Variants in IHO1 observed in about 807,000 individuals in gnomAD.
The protein encoded by IHO1 is interactor of HORMAD1 1.
A neutral mutation model predicts 31.0 loss-of-function variants in IHO1; 13 were observed. The observed-to-expected ratio is 0.42, with a 90% CI of 0.27 to 0.67. The LOEUF is 0.67. Ranked by LOEUF, IHO1 falls within the 30% of genes least tolerant of loss-of-function variation. The pLI is 0.24. For synonymous variants in IHO1, 221 were observed against 248.4 expected, an observed-to-expected ratio of 0.89 and a Z score of 1.04; for missense variants, 599 against 687.5, an observed-to-expected ratio of 0.87 and a Z score of 1.44.
chr3:49,246,490 CA>C (rs974877184), intron 6 of IHO1, among the ~76,000 whole-genome samples: 17 of 151,212 alleles, frequency 1.1e-4, no homozygotes, highest in African/African-American at 3.9e-4. Context: ...ACTAAAAATG[CA>C]AAAAAAATTA....
At chr3:49,195,573 G>A (rs74477111), upstream of IHO1, among the ~76,000 whole-genome samples, 15,060 of 150,754 alleles carry the variant, frequency 0.1, 824 homozygotes, top group Middle Eastern at 0.11. Context: ...AATTAGCTGG[G>A]TGTGGTGGCA....
At chr3:49,191,585 G>T in the IHO1 span, 1 of 784,956 alleles carries the variant, frequency 1.3e-6, no homozygotes. Flanking sequence ...GCAGCCTCCA[G>T]GGGTGACCTC....
chr3:49,237,999 G>A (rs2046581452), intron 3 of IHO1, among the ~76,000 whole-genome samples: 1 of 134,062 alleles, frequency 7.5e-6, no homozygotes, highest in Admixed American at 9.0e-5. Flanking sequence ...TCGCCTTCCA[G>A]GTTCAAGTAA....
At position 49,245,886 on chromosome 3, in the gene IHO1, T is replaced by G. The variant is rs919648143; in HGVS notation, c.532+1153T>G. ...CACACACAGGGCATATGCATCTGTT[T>G]AGAAACTTGTTCTGGGGCCGGGCAC... On this transcript the variant is annotated intron_variant, in intron 6 of 7. Transcript: ENST00000452691. 5.9e-5 allele frequency: 9 copies of G among 152,162 alleles called. No individual in the cohort carries two copies. In the East Asian group the frequency reaches 1.4e-3, roughly 23 times the overall value. The allele number at this position is 152,162 out of a possible 1,614,324, so 9.4% of individuals were successfully genotyped here.
chr3:49,252,623 T>C (rs1316239171), intron 6 of IHO1, among the ~76,000 whole-genome samples: 2 of 152,138 alleles, frequency 1.3e-5, no homozygotes, highest in Non-Finnish European at 2.9e-5. Context: ...GATCTCACTA[T>C]GTTGCCCAGG....
At chr3:49,241,918 G>A (rs1006315628) in intron 4 of IHO1, among the ~76,000 whole-genome samples, 1 of 151,150 alleles carries the variant, frequency 6.6e-6, no homozygotes, top group Non-Finnish European at 1.5e-5. Flanking sequence ...ACTGTGCCTG[G>A]CCATTATTAT....
At chr3:49,224,622 A>G (rs2107703744) in intron 2 of IHO1, among the ~76,000 whole-genome samples, 1 of 152,340 alleles carries the variant, frequency 6.6e-6, no homozygotes, top group East Asian at 1.9e-4. Flanking sequence ...CCCTGGGGGA[A>G]GAGGCTTACT....
At chr3:49,246,205 T>C (rs2107733369) in intron 6 of IHO1, among the ~76,000 whole-genome samples, 1 of 148,864 alleles carries the variant, frequency 6.7e-6, no homozygotes, top group East Asian at 2.0e-4. Flanking sequence ...AAAAAAAACT[T>C]GTTCTGGAAG....
intron 1 of IHO1, among the ~76,000 whole-genome samples, chr3:49,207,008 A>G (rs1307677882): frequency 7.1e-6 from 1 of 141,144 alleles, no homozygotes; most frequent in Non-Finnish European, 1.5e-5. Flanking sequence ...AGATCGTGCC[A>G]TTGCACTCCA....
chr3:49,210,771 C>T (rs928558038), intron 1 of IHO1, among the ~76,000 whole-genome samples: 3 of 147,584 alleles, frequency 2.0e-5, no homozygotes, highest in Non-Finnish European at 3.0e-5. Flanking sequence ...GACCTTGGCT[C>T]ACTGCAACCT....
chr3:49,229,107 G>A (rs948088740), intron 2 of IHO1, among the ~76,000 whole-genome samples: 5 of 152,196 alleles, frequency 3.3e-5, no homozygotes, highest in East Asian at 1.9e-4. Context: ...GCGCTGATTG[G>A]TGCGTTTTTA....
intron 1 of IHO1, among the ~76,000 whole-genome samples, chr3:49,208,441 A>G (rs938495717): frequency 2.6e-5 from 4 of 152,204 alleles, no homozygotes; most frequent in Admixed American, 6.5e-5. Context: ...TGCACTCCTT[A>G]TGAGACTCTA....
intron 6 of IHO1, among the ~76,000 whole-genome samples, chr3:49,249,687 T>C (rs756502877): frequency 2.0e-5 from 3 of 152,244 alleles, no homozygotes; most frequent in African/African-American, 7.2e-5. Context: ...ATCTGTTCAT[T>C]GTTAAATTAA....
At chr3:49,241,947 T>C (rs940231923) in intron 4 of IHO1, among the ~76,000 whole-genome samples, 1 of 151,390 alleles carries the variant, frequency 6.6e-6, no homozygotes, top group Non-Finnish European at 1.5e-5. Flanking sequence ...TTTATTTTAT[T>C]ATTATTTTTT....
chr3:49,228,273 A>T (rs1343884077), intron 2 of IHO1: 2 of 446,368 alleles, frequency 4.5e-6, no homozygotes, highest in Non-Finnish European at 9.0e-6. Flanking sequence ...CCTTTATCTC[A>T]GCCCGGAAGT....
At chr3:49,222,830 G>A (rs531451758) in intron 2 of IHO1, among the ~76,000 whole-genome samples, 23 of 152,108 alleles carry the variant, frequency 1.5e-4, no homozygotes, top group Non-Finnish European at 3.1e-4. Flanking sequence ...CTGAACTGAC[G>A]GTCCTGCAGG....
At chr3:49,208,005 C>T (rs2046161831) in intron 1 of IHO1, among the ~76,000 whole-genome samples, 1 of 152,194 alleles carries the variant, frequency 6.6e-6, no homozygotes, top group Middle Eastern at 3.4e-3. Flanking sequence ...ATCTCCTGAC[C>T]TTTTGATCCG....
At chr3:49,228,446 C>A in intron 2 of IHO1, 2 of 363,376 alleles carry the variant, frequency 5.5e-6, no homozygotes, top group South Asian at 2.0e-5. Context: ...GTATTTAGCC[C>A]CTGAATTCTA....
At chr3:49,214,190 G>A (rs766919219) in intron 2 of IHO1, among the ~76,000 whole-genome samples, 9 of 152,110 alleles carry the variant, frequency 5.9e-5, no homozygotes, top group Admixed American at 1.3e-4. Context: ...GTCCAGTTGC[G>A]GCAACTGCTA....
Sources: allele counts gnomAD v4.1 joint callset (sites outside exome capture counted in the v4.1 genomes callset), GRCh38; gene constraint gnomAD v4.1.1; transcripts MANE v1.5; gene names NCBI Gene and HGNC (gene_info 2026-07-23, HGNC 2026-07-21).